The following PTPRA variants were observed in gnomAD, a reference collection of about 807,000 sequenced individuals.
The protein encoded by PTPRA is protein tyrosine phosphatase receptor type A.
In PTPRA, 25 loss-of-function variants were observed where a neutral mutation model predicts 104.8. The ratio of observed to expected loss-of-function variants is 0.24; its 90% CI spans 0.17 to 0.33. PTPRA has a LOEUF of 0.33. Ranked by LOEUF, PTPRA falls within the 10% of genes least tolerant of loss-of-function variation. PTPRA has a pLI of 1.00. For missense variants in PTPRA, 765 were observed against 1,015.3 expected (o/e 0.75, Z 3.35); for synonymous variants, 323 against 368.9 (o/e 0.88, Z 1.43).
chr20:2,987,304 G>A (rs2062951077), intron 7 of PTPRA, among the ~76,000 whole-genome samples: 1 of 152,010 alleles, frequency 6.6e-6, no homozygotes, highest in Admixed American at 6.6e-5. Flanking sequence ...GCCCTGGCAT[G>A]TTGAGTTGAG....
the PTPRA span, chr20:2,866,602 G>A: frequency 1.2e-6 from 2 of 1,612,214 alleles, no homozygotes; most frequent in Middle Eastern, 3.6e-4. Flanking sequence ...TCTCAAGCAA[G>A]GGGTTCCTCC....
intron 6 of PTPRA, among the ~76,000 whole-genome samples, chr20:2,977,291 CAAAAA>C (rs60609555): frequency 8.3e-6 from 1 of 119,858 alleles, no homozygotes; most frequent in African/African-American, 3.0e-5. Context: ...GACTCTGTCT[CAAAAA>C]AAAAAAAAAA....
intron 2 of PTPRA, among the ~76,000 whole-genome samples, chr20:2,933,540 A>G (rs2147537408): frequency 6.6e-6 from 1 of 152,076 alleles, no homozygotes; most frequent in South Asian, 2.1e-4. Flanking sequence ...TGCTCACTGC[A>G]ACCTCCACCT....
chr20:2,889,964 G>T (rs573801330), intron 1 of PTPRA, among the ~76,000 whole-genome samples: 1 of 152,152 alleles, frequency 6.6e-6, no homozygotes, highest in East Asian at 1.9e-4. Flanking sequence ...GCTCACTGCA[G>T]CCTTGACCTC....
intron 1 of PTPRA, among the ~76,000 whole-genome samples, chr20:2,891,475 C>G (rs986428888): frequency 6.6e-5 from 10 of 152,126 alleles, no homozygotes; most frequent in African/African-American, 2.4e-4. Context: ...GACTGCCCAC[C>G]TCCCTCCTTC....
chr20:2,923,393 T>A, intron 2 of PTPRA, 108 bp downstream of exon 2: 1 of 689,244 alleles, frequency 1.5e-6, no homozygotes, highest in Non-Finnish European at 2.1e-6. Flanking sequence ...TTCTAAGCTG[T>A]AAGAGTAGCT....
At chr20:2,878,245 A>T (rs919471924) in intron 1 of PTPRA, among the ~76,000 whole-genome samples, 2 of 152,056 alleles carry the variant, frequency 1.3e-5, no homozygotes, top group Non-Finnish European at 2.9e-5. Context: ...ACAGGGTCTC[A>T]CTCTGCCACC....
chr20:2,953,460 A>T (rs2147819896), intron 3 of PTPRA, among the ~76,000 whole-genome samples: 1 of 150,634 alleles, frequency 6.6e-6, no homozygotes, highest in South Asian at 2.1e-4. Flanking sequence ...TCACTGTGTT[A>T]ATCAGGATGG....
At chr20:2,960,632 G>C (rs2061720792) in intron 3 of PTPRA, among the ~76,000 whole-genome samples, 1 of 151,832 alleles carries the variant, frequency 6.6e-6, no homozygotes, top group Admixed American at 6.6e-5. Flanking sequence ...GACCTCCCAG[G>C]CTCAAGTGAT....
chr20:2,877,204 T>C (rs2089776127), intron 1 of PTPRA, among the ~76,000 whole-genome samples: 1 of 152,196 alleles, frequency 6.6e-6, no homozygotes, highest in Non-Finnish European at 1.5e-5. Flanking sequence ...TTACTTCCAG[T>C]GCAATAATAA....
At chr20:2,954,437 G>C (rs550863413) in intron 3 of PTPRA, among the ~76,000 whole-genome samples, 32 of 151,644 alleles carry the variant, frequency 2.1e-4, no homozygotes, top group African/African-American at 6.5e-4. Flanking sequence ...TGGCCAGGCT[G>C]GTCTTGAACT....
intron 1 of PTPRA, among the ~76,000 whole-genome samples, chr20:2,883,097 AC>A (rs1198380746): frequency 6.8e-6 from 1 of 147,736 alleles, no homozygotes; most frequent in Non-Finnish European, 1.5e-5. Context: ...TGATCCTCCC[AC>A]CTCAGCCTCC....
intron 2 of PTPRA, among the ~76,000 whole-genome samples, chr20:2,933,905 G>A (rs1162998574): frequency 6.6e-6 from 1 of 151,998 alleles, no homozygotes; most frequent in Non-Finnish European, 1.5e-5. Flanking sequence ...TATTTAGGAA[G>A]GCTACCTCAG....
chr20:2,998,920 T>TA (rs2063512826), intron 9 of PTPRA, among the ~76,000 whole-genome samples: 1 of 106,960 alleles, frequency 9.3e-6, no homozygotes, highest in Admixed American at 1.1e-4. Context: ...AAATATGACA[T>TA]ATTTATAATT....
In PTPRA at chr20:2,904,053, C is replaced by T. The variant is rs374268145; in HGVS notation, c.-128-19154C>T. Among the ~76,000 whole-genome samples, 5 of 152,056 alleles carry T rather than the reference C, an allele frequency of 3.3e-5. 1 individual carries two copies. Among genetic ancestry groups the T allele is most frequent in the Admixed American group, 2.0e-4 (3 of 15,222 alleles). ...TCTTGAGTAGCTAGGACCACAGACG[C>T]GTGCCACCATGCCCAGCCAATTTTT... On this transcript the variant is annotated intron_variant, in intron 1 of 23. Coordinates refer to ENST00000399903, the MANE Select transcript of PTPRA (RefSeq NM_001385305.1).
At chr20:2,925,845 A>C (rs554044108) in intron 2 of PTPRA, among the ~76,000 whole-genome samples, 27 of 152,106 alleles carry the variant, frequency 1.8e-4, no homozygotes, top group African/African-American at 6.0e-4. Context: ...ACAAAAAAAA[A>C]CACATGGATG....
chr20:2,901,487 G>A (rs2059235970), intron 1 of PTPRA, among the ~76,000 whole-genome samples: 1 of 152,112 alleles, frequency 6.6e-6, no homozygotes, highest in Non-Finnish European at 1.5e-5. Flanking sequence ...GGGAAGGAGG[G>A]GTAGTACGAC....
intron 11 of PTPRA, 81 bp downstream of exon 11, chr20:3,007,501 G>A (rs551644428): frequency 1.4e-6 from 2 of 1,410,282 alleles, no homozygotes; most frequent in Non-Finnish European, 2.0e-6. Flanking sequence ...CTGTGTGTTA[G>A]GAGAAATATT....
chr20:2,998,630 T>A (rs1276193694), intron 9 of PTPRA, among the ~76,000 whole-genome samples: 1 of 152,192 alleles, frequency 6.6e-6, no homozygotes, highest in East Asian at 1.9e-4. Flanking sequence ...TAAACAGAAC[T>A]GTTCCAAGAC....
Sources: allele counts gnomAD v4.1 joint callset (sites outside exome capture counted in the v4.1 genomes callset), GRCh38; gene constraint gnomAD v4.1.1; transcripts MANE v1.5; gene names NCBI Gene and HGNC (gene_info 2026-07-23, HGNC 2026-07-21).